The following CHLSN variants were observed in gnomAD, a reference collection of about 807,000 sequenced individuals.
CHLSN encodes protein cholesin.
At chr7:1,032,756 A>T in the CHLSN span, among the ~76,000 whole-genome samples, 8 of 152,246 alleles carry the variant, frequency 5.3e-5, no homozygotes, top group Non-Finnish European at 1.2e-4. Flanking sequence ...CAGGGGCAGG[A>T]AAACCACCCA....
chr7:1,014,135 A>G, the CHLSN span, among the ~76,000 whole-genome samples: 1 of 152,212 alleles, frequency 6.6e-6, no homozygotes, highest in African/African-American at 2.4e-5. Context: ...TCAGGCAATG[A>G]AAATGTTCAC....
the CHLSN span, chr7:1,000,462 G>A: frequency 1.3e-6 from 2 of 1,593,764 alleles, no homozygotes; most frequent in East Asian, 2.3e-5. Flanking sequence ...GCCCCGCCGT[G>A]CACACACCTT....
At chr7:1,062,380 T>C in the CHLSN span, among the ~76,000 whole-genome samples, 2 of 152,290 alleles carry the variant, frequency 1.3e-5, no homozygotes, top group East Asian at 1.9e-4. Flanking sequence ...TCCCCTCGAA[T>C]TGTACGTCTT....
the CHLSN span, among the ~76,000 whole-genome samples, chr7:1,090,645 T>C: frequency 6.6e-6 from 1 of 152,188 alleles, no homozygotes; most frequent in Non-Finnish European, 1.5e-5. Context: ...CCCTCCCCAC[T>C]GGCGGCAGAG....
the CHLSN span, chr7:987,381 C>T: frequency 1.3e-6 from 2 of 1,594,576 alleles, no homozygotes; most frequent in African/African-American, 1.3e-5. Flanking sequence ...GCGTGCTGGG[C>T]CCTGGGCGGA....
At chr7:1,127,845 G>C in the CHLSN span, among the ~76,000 whole-genome samples, 5 of 77,022 alleles carry the variant, frequency 6.5e-5, 1 homozygote, top group Non-Finnish European at 1.1e-4. Flanking sequence ...GCACAATCTC[G>C]GCTCATCCCA....
the CHLSN span, among the ~76,000 whole-genome samples, chr7:1,101,154 C>A: frequency 1.3e-5 from 2 of 152,280 alleles, no homozygotes; most frequent in Non-Finnish European, 2.9e-5. Context: ...CCCGCAGACT[C>A]TGCTCTCGCA....
chr7:1,043,456 G>T, the CHLSN span: 1 of 152,236 alleles, frequency 6.6e-6, no homozygotes, highest in South Asian at 2.1e-4. Context: ...TCAAAACAAT[G>T]GTTGAGGCTC....
At chr7:1,028,773 T>A in the CHLSN span, 2 of 727,742 alleles carry the variant, frequency 2.7e-6, no homozygotes, top group East Asian at 3.3e-4. Flanking sequence ...TCTCCCCTAG[T>A]CTGCCGCCAT....
chr7:1,073,782 C>T, the CHLSN span, among the ~76,000 whole-genome samples: 303 of 118,594 alleles, frequency 2.6e-3, 3 homozygotes, highest in African/African-American at 9.7e-3. Flanking sequence ...CACGACCCCC[C>T]ACCCCGCTGC....
chr7:987,397 C>A, the CHLSN span: 1 of 1,594,946 alleles, frequency 6.3e-7, no homozygotes. Flanking sequence ...GCGGACTCCC[C>A]GGCTGGAGGA....
chr7:1,065,908 C>T, the CHLSN span, among the ~76,000 whole-genome samples: 160 of 152,346 alleles, frequency 1.1e-3, no homozygotes, highest in African/African-American at 3.7e-3. Context: ...GGTTTCCGGC[C>T]TCAAGGGCAG....
At chr7:1,127,073 A>T in the CHLSN span, among the ~76,000 whole-genome samples, 1,429 of 152,162 alleles carry the variant, frequency 9.4e-3, 10 homozygotes, top group South Asian at 0.033. Context: ...TCCAACTCAA[A>T]ATTTACTAAA....
chr7:1,132,776 T>A, the CHLSN span, among the ~76,000 whole-genome samples: 1 of 145,698 alleles, frequency 6.9e-6, no homozygotes, highest in South Asian at 2.2e-4. Context: ...AAGACACTAG[T>A]AACTAGAATA....
At chr7:1,106,567 C>A in the CHLSN span, among the ~76,000 whole-genome samples, 4 of 152,292 alleles carry the variant, frequency 2.6e-5, no homozygotes, top group African/African-American at 9.6e-5. Context: ...AGGAGGAGCC[C>A]GGCCCACATG....
At chr7:1,122,000 C>T in the CHLSN span, among the ~76,000 whole-genome samples, 1 of 152,226 alleles carries the variant, frequency 6.6e-6, no homozygotes, top group Non-Finnish European at 1.5e-5. Context: ...ATGGTCCTTA[C>T]ACGGCACCTT....
At chr7:1,076,231 G>T in the CHLSN span, 1 of 155,182 alleles carries the variant, frequency 6.4e-6, no homozygotes, top group Non-Finnish European at 1.4e-5. Context: ...GCAGTGCAGT[G>T]TGGTACATGC....
At chr7:1,041,330 G>A in the CHLSN span, among the ~76,000 whole-genome samples, 23,403 of 63,512 alleles carry the variant, frequency 0.37, 5,352 homozygotes, top group African/African-American at 0.46. Context: ...GGGGAAGGGG[G>A]CCTGGGGTCC....
At chr7:1,003,670 A>G in the CHLSN span, among the ~76,000 whole-genome samples, 28 of 31,586 alleles carry the variant, frequency 8.9e-4, no homozygotes, top group African/African-American at 2.5e-3. Flanking sequence ...GTGGGTGAGT[A>G]GAGTCCTGTG....
Sources: gnomAD v4.1 joint callset for allele counts (sites outside exome capture counted in the v4.1 genomes callset) on GRCh38, gnomAD v4.1.1 for gene constraint, MANE v1.5 for transcripts, NCBI Gene and HGNC (gene_info 2026-07-23, HGNC 2026-07-21) for gene names.